The following CDK14 variants were observed in gnomAD, a reference collection of about 807,000 sequenced individuals.
CDK14 encodes cyclin-dependent kinase 14.
Under a neutral mutation model 60.7 loss-of-function variants are expected in CDK14, and 34 were observed. That is an observed-to-expected ratio of 0.56 (90% confidence interval 0.43 to 0.75). The LOEUF (loss-of-function observed/expected upper bound fraction) is 0.75. CDK14 is among the 30% of genes least tolerant of loss of function. CDK14 has a pLI of 0.00. For missense variants in CDK14, 482 were observed against 564.1 expected (o/e 0.85, Z 1.47); for synonymous variants, 197 against 203.7 (o/e 0.97, Z 0.28).
At position 91,089,570 on chromosome 7, in the gene CDK14, G is replaced by A. The variant is rs113530272; in HGVS notation, c.1154+10090G>A. Among the ~76,000 whole-genome samples, 1,182 of 139,666 alleles carry A rather than the reference G, an allele frequency of 8.5e-3. 15 individuals carry two copies. The highest frequency in any genetic ancestry group is 0.029 in the African/African-American group (1,077 of 37,280). 91.6% of individuals were successfully genotyped at this position (139,666 alleles called of 152,430 possible). A position where few individuals can be genotyped will look rare whatever the true frequency, so the allele number is the denominator to read the frequency against. ...TGTAGAGGGCAGCATGCTCTGAGGG[G>A]AAAAAAAAAAAAAAACAGGCAACTG... On this transcript the variant is annotated intron_variant, in intron 12 of 14. Transcript: ENST00000380050.
At chr7:91,051,511 C>T (rs1562883464) in intron 11 of CDK14, among the ~76,000 whole-genome samples, 1 of 152,170 alleles carries the variant, frequency 6.6e-6, no homozygotes, top group Non-Finnish European at 1.5e-5. Flanking sequence ...CTCCCTCACT[C>T]TCTCATTCCA....
intron 6 of CDK14, among the ~76,000 whole-genome samples, chr7:90,873,858 G>A (rs933802884): frequency 2.0e-5 from 3 of 151,798 alleles, no homozygotes; most frequent in South Asian, 2.1e-4. Flanking sequence ...CAAAACAAAC[G>A]TACTCACCTT....
intron 4 of CDK14, among the ~76,000 whole-genome samples, chr7:90,759,771 A>G (rs1293561033): frequency 6.6e-6 from 1 of 152,130 alleles, no homozygotes; most frequent in African/African-American, 2.4e-5. Context: ...CAGACTTCAC[A>G]TGCCATTTAG....
intron 11 of CDK14, among the ~76,000 whole-genome samples, chr7:91,062,341 C>T (rs1271126312): frequency 1.3e-5 from 2 of 152,210 alleles, no homozygotes; most frequent in Admixed American, 1.3e-4. Flanking sequence ...TGACCCCTTG[C>T]ACTTCCCGGG....
rs748346862 is a variant in CDK14 at position 91,118,128 on chromosome 7, C to A, written c.1358C>A (p.Ala453Asp). 1.2e-6 allele frequency: 2 copies of A among 1,613,630 alleles called. No individual in the cohort carries two copies. The highest frequency in any genetic ancestry group is 1.7e-6 in the Non-Finnish European group (2 of 1,179,670). ...CCAGAAGCTGGAGAAAGCATGCGGG[C>A]CTTTGGGAAAAACAATAGTTATGGC... The part of the protein sequence containing the change: ...LQPEAGESMR[A>D]FGKNNSYGKS... Residue 453 changes from alanine to aspartate, a missense_variant, in exon 14 of 15, where the codon GCC (alanine) becomes GAC (aspartate). By Grantham distance (126) the Ala-to-Asp change is moderately radical (BLOSUM62 -2). Transcript: ENST00000380050.
intron 2 of CDK14, among the ~76,000 whole-genome samples, chr7:90,701,700 A>C (rs1801790454): frequency 6.6e-6 from 1 of 152,176 alleles, no homozygotes; most frequent in Admixed American, 6.5e-5. Flanking sequence ...CTGAAAATCA[A>C]CTTGAAGTGG....
intron 5 of CDK14, among the ~76,000 whole-genome samples, chr7:90,807,881 T>A (rs1296256183): frequency 6.6e-6 from 1 of 152,120 alleles, no homozygotes; most frequent in African/African-American, 2.4e-5. Flanking sequence ...GAAGATCAAA[T>A]GAATGAAATT....
At chr7:90,665,500 A>T (rs186116229) in intron 2 of CDK14, among the ~76,000 whole-genome samples, 2 of 152,170 alleles carry the variant, frequency 1.3e-5, no homozygotes, top group Non-Finnish European at 2.9e-5. Flanking sequence ...AATCCCCAGT[A>T]AGGCTGTGAG....
At chr7:90,865,549 C>T (rs1791150770) in intron 6 of CDK14, among the ~76,000 whole-genome samples, 1 of 151,958 alleles carries the variant, frequency 6.6e-6, no homozygotes, top group African/African-American at 2.4e-5. Context: ...AGTGGAAAGG[C>T]AATAATAATT....
chr7:91,200,744 T>A (rs1802688891), intron 14 of CDK14, among the ~76,000 whole-genome samples: 1 of 152,220 alleles, frequency 6.6e-6, no homozygotes, highest in African/African-American at 2.4e-5. Flanking sequence ...CCATTTTGAA[T>A]GCTAGTTTAA....
rs567215188 is a variant in CDK14 at position 90,731,679 on chromosome 7, C to A, written c.369+4867C>A. 3.9e-5 allele frequency among the ~76,000 whole-genome samples: 6 copies of A among 152,198 alleles called. No individual in the cohort carries two copies. In the East Asian group the frequency reaches 9.7e-4, roughly 25 times the overall value. On this transcript the variant is annotated intron_variant, in intron 3 of 14. Coordinates refer to ENST00000380050, the MANE Select transcript of CDK14 (RefSeq NM_001287135.2). The stretch of plus-strand genomic sequence containing the variant: ...TGTATAGGAATGCTTGTGATTTTTG[C>A]ACATTGATTTTTTATCCTGAGACTT...
At chr7:90,740,777 C>G (rs1803313621) in intron 3 of CDK14, among the ~76,000 whole-genome samples, 1 of 152,146 alleles carries the variant, frequency 6.6e-6, no homozygotes, top group Non-Finnish European at 1.5e-5. Flanking sequence ...AATTTGTTTT[C>G]TCATACTGAG....
chr7:90,649,252 C>CTTTGTTTCTTTGTTTCTTTGTTTG (rs879793176), intron 2 of CDK14, among the ~76,000 whole-genome samples: 3 of 45,396 alleles, frequency 6.6e-5, no homozygotes, highest in East Asian at 9.9e-4. Context: ...TTCTTTCTTT[C>CTTTGTTTCTTTGTTTCTTTGTTTG]TTTCTTTCTT....
intron 6 of CDK14, among the ~76,000 whole-genome samples, chr7:90,889,974 G>A (rs970777082): frequency 3.3e-5 from 5 of 152,182 alleles, no homozygotes; most frequent in African/African-American, 1.2e-4. Flanking sequence ...TGAATGGCTT[G>A]TTTTTGTTGT....
intron 7 of CDK14, among the ~76,000 whole-genome samples, chr7:90,907,133 G>T (rs1043042756): frequency 1.3e-5 from 2 of 152,036 alleles, no homozygotes; most frequent in African/African-American, 4.8e-5. Context: ...AAATATTTAT[G>T]ATGATTAAAG....
At chr7:90,855,869 G>A (rs1258290758) in intron 5 of CDK14, among the ~76,000 whole-genome samples, 1 of 152,148 alleles carries the variant, frequency 6.6e-6, no homozygotes, top group Non-Finnish European at 1.5e-5. Context: ...GTATCTCACC[G>A]CTCTTTGCCA....
At chr7:90,666,750 A>G (rs979017967) in intron 2 of CDK14, among the ~76,000 whole-genome samples, 1 of 152,172 alleles carries the variant, frequency 6.6e-6, no homozygotes, top group Non-Finnish European at 1.5e-5. Flanking sequence ...TTCCTCTTTG[A>G]ATGGATTCCA....
chr7:90,716,212 G>T (rs149434403), intron 2 of CDK14: 2 of 152,006 alleles, frequency 1.3e-5, no homozygotes, highest in African/African-American at 4.8e-5. Flanking sequence ...GATTTAACTG[G>T]AGTGGGAAAT....
At chr7:90,752,023 C>G (rs983225971) in intron 4 of CDK14, among the ~76,000 whole-genome samples, 1 of 152,160 alleles carries the variant, frequency 6.6e-6, no homozygotes, top group African/African-American at 2.4e-5. Context: ...CAACCAGATT[C>G]CTGAAACAAT....
Sources: gnomAD v4.1 joint callset for allele counts (sites outside exome capture counted in the v4.1 genomes callset) on GRCh38, gnomAD v4.1.1 for gene constraint, MANE v1.5 for transcripts, NCBI Gene and HGNC (gene_info 2026-07-23, HGNC 2026-07-21) for gene names.